Variants in PUM3 observed in about 807,000 individuals in gnomAD.
The protein encoded by PUM3 is pumilio RNA binding family member 3.
In PUM3, 91 loss-of-function variants were observed where a neutral mutation model predicts 84.0. That is an observed-to-expected ratio of 1.08 (90% CI 0.91 to 1.29). The LOEUF is 1.29. Among genes scored for constraint, PUM3 ranks in the 50% most tolerant of loss-of-function variants. The probability of loss-of-function intolerance (pLI) is 0.00; values close to 1 mark genes in which losing one functional copy is unlikely to be tolerated. For missense variants in PUM3, 1,067 were observed against 767.5 expected (o/e 1.39, Z -4.61); for synonymous variants, 321 against 266.7 (o/e 1.20, Z -1.98).
At chr9:2,827,348 G>A (rs1227163922) in intron 9 of PUM3, among the ~76,000 whole-genome samples, 197 bp from the exon 10 acceptor site, 1 of 152,146 alleles carries the variant, frequency 6.6e-6, no homozygotes, top group Admixed American at 6.5e-5. Context: ...TTGATTTAGT[G>A]CCATCTACAA....
rs892329542 is a variant in PUM3 at position 2,807,246 on chromosome 9, T to C, written c.1814+568A>G. 4.0e-5 allele frequency among the ~76,000 whole-genome samples: 6 copies of C among 150,848 alleles called. No homozygotes were observed. In the East Asian group the frequency reaches 9.9e-4, roughly 25 times the overall value. ...TATGTTTTGGTCAAAACCATAAATG[T>C]GGTGAAGCCACCTGATACCTTGTGA... On this transcript the variant is annotated intron_variant, in intron 17 of 17. Transcript: ENST00000397885.
At chr9:2,809,576 G>T (rs1048828118) in intron 16 of PUM3, among the ~76,000 whole-genome samples, 4 of 152,056 alleles carry the variant, frequency 2.6e-5, no homozygotes, top group Non-Finnish European at 5.9e-5. Flanking sequence ...GCCACTTGCC[G>T]CAAGACATGA....
chr9:2,805,262 G>C (rs994697955), intron 17 of PUM3, among the ~76,000 whole-genome samples: 1 of 152,102 alleles, frequency 6.6e-6, no homozygotes, highest in East Asian at 1.9e-4. Context: ...CGGCCTCTGC[G>C]TTCTGAAACC....
At chr9:2,842,830 T>C (rs1816300587) in intron 1 of PUM3, among the ~76,000 whole-genome samples, 1 of 152,164 alleles carries the variant, frequency 6.6e-6, no homozygotes, top group Non-Finnish European at 1.5e-5. Flanking sequence ...GTTATTGTTG[T>C]TTGCCCCACA....
At chr9:2,834,663 G>T (rs998836510) in intron 3 of PUM3, among the ~76,000 whole-genome samples, 10 of 152,084 alleles carry the variant, frequency 6.6e-5, no homozygotes, top group Non-Finnish European at 1.0e-4. Context: ...TCTCTTCCAT[G>T]GTGGGGAAAA....
intron 17 of PUM3, 58 bp downstream of exon 17, chr9:2,807,756 G>T: frequency 3.8e-6 from 4 of 1,056,950 alleles, no homozygotes; most frequent in Non-Finnish European, 4.4e-6. Context: ...CAACGTGAAG[G>T]AAGTGTGTCT....
rs1413648870 is a variant in PUM3, at chr9:2,807,810, A to G, written c.1814+4T>C. Reference sequence around the variant, plus strand: ...GCTCAGAGAAGGGCACATGTTATACATACCTAGAAAGAATAATGGCACCTC... The same window carrying G: ...GCTCAGAGAAGGGCACATGTTATACGTACCTAGAAAGAATAATGGCACCTC... On this transcript the variant is annotated splice_donor_region_variant and intron_variant, in intron 17 of 17. Coordinates refer to ENST00000397885, the MANE Select transcript of PUM3 (RefSeq NM_014878.5). 1 of 1,592,632 alleles carries G rather than the reference A, an allele frequency of 6.3e-7. No individual in the cohort carries two copies. The highest frequency in any genetic ancestry group is 1.1e-5 in the South Asian group (1 of 90,540).
In PUM3 at chr9:2,834,144, T is replaced by C; in HGVS notation, c.327A>G (p.Lys109=). ...RSDESAAKKP[K]WDDFKKKKKE... is the part of the protein sequence containing the mutation. ...TCTTCTTCTTTTTGAAGTCATCCCA[T>C]TTGGGCTTCTTGGCTGCTGATTCTA... is the stretch of plus-strand genomic sequence containing the variant. The change falls in exon 4 of 18, where the codon AAA becomes AAG. Residue 109 remains lysine, a synonymous_variant. Transcript: ENST00000397885. 3 of 1,612,894 alleles carry C rather than the reference T, an allele frequency of 1.9e-6. No homozygotes were observed. The East Asian group carries it at 6.7e-5, about 36-fold the overall frequency.
rs201465000 is a variant in PUM3, at chr9:2,827,074, G to A, written c.1034C>T (p.Ser345Leu). 7.3e-5 allele frequency: 117 copies of A among 1,605,660 alleles called. 1 individual carries two copies. In the Admixed American group the frequency reaches 1.9e-3, roughly 25 times the overall value. ...FFTYAPPKLR[S>L]EMIEAIREAV... is the part of the protein sequence containing the mutation. Reference sequence around the variant, plus strand: ...TAAAAACAAAAACCAAGAACTTACTGATCTGAGTTTGGGGGGTGCATAGGT... The same window carrying A: ...TAAAAACAAAAACCAAGAACTTACTAATCTGAGTTTGGGGGGTGCATAGGT... The change falls in exon 10 of 18, where the codon TCA becomes TTA. Residue 345 changes from serine to leucine, a missense_variant and splice_region_variant. Physicochemically the swap from Ser to Leu is moderately radical, Grantham distance 145. Coordinates refer to ENST00000397885, the MANE Select transcript of PUM3 (RefSeq NM_014878.5).
chr9:2,821,159 G>T (rs1821580626), intron 12 of PUM3, among the ~76,000 whole-genome samples: 1 of 152,008 alleles, frequency 6.6e-6, no homozygotes, highest in African/African-American at 2.4e-5. Context: ...CTAAAAATGG[G>T]CAAAGCCAGG....
intron 9 of PUM3, among the ~76,000 whole-genome samples, chr9:2,827,950 T>A (rs1815868066): frequency 6.6e-6 from 1 of 152,118 alleles, no homozygotes; most frequent in Non-Finnish European, 1.5e-5. Flanking sequence ...GGCAGTCGGG[T>A]CCCAAAAGCT....
chr9:2,840,521 C>A (rs1816240511), intron 1 of PUM3, among the ~76,000 whole-genome samples: 2 of 152,322 alleles, frequency 1.3e-5, no homozygotes, highest in South Asian at 4.1e-4. Context: ...TTCTATTTCT[C>A]TTATTACTTT....
At chr9:2,815,208 C>G (rs1185613642) in intron 13 of PUM3, among the ~76,000 whole-genome samples, 1 of 152,148 alleles carries the variant, frequency 6.6e-6, no homozygotes, top group Non-Finnish European at 1.5e-5. Context: ...AAAAACATTT[C>G]TTCAAAATGT....
At chr9:2,819,981 G>T in intron 13 of PUM3, 37 bp downstream of exon 13, 2 of 1,362,188 alleles carry the variant, frequency 1.5e-6, no homozygotes, top group South Asian at 1.2e-5. Context: ...CTGGTTTATC[G>T]ATGTAACTTA....
intron 2 of PUM3, 89 bp downstream of exon 2, chr9:2,838,337 T>C (rs943263882): frequency 7.0e-6 from 6 of 862,264 alleles, no homozygotes; most frequent in Non-Finnish European, 9.9e-6. Flanking sequence ...ATCCTAATCC[T>C]AGCCAATGAA....
chr9:2,810,142 T>A (rs556755248), intron 16 of PUM3, among the ~76,000 whole-genome samples: 10 of 151,108 alleles, frequency 6.6e-5, no homozygotes, highest in Admixed American at 6.6e-4. Flanking sequence ...AAAAAGAAAA[T>A]TAAAAGAGTT....
At position 2,829,904 on chromosome 9, in the gene PUM3, T is replaced by C. The variant is rs1417446680; in HGVS notation, c.722A>G (p.His241Arg). Reference sequence around the variant, plus strand: ...CGCATGCCGCAGCATCTTCCTCACGTGGCCTTTAAAACTTCTGATTATCTC... The same window carrying C: ...CGCATGCCGCAGCATCTTCCTCACGCGGCCTTTAAAACTTCTGATTATCTC... ...IAEIIRSFKG[H>R]VRKMLRHAEA... Residue 241 changes from histidine (H) to arginine (R), a missense_variant, in exon 8 of 18, where the codon CAC (histidine) becomes CGC (arginine). Coordinates refer to ENST00000397885, the MANE Select transcript of PUM3 (RefSeq NM_014878.5). 1 of 1,613,838 alleles carries C rather than the reference T, an allele frequency of 6.2e-7. No individual in the cohort carries two copies. The highest frequency in any genetic ancestry group is 1.3e-5 in the African/African-American group (1 of 74,920).
intron 17 of PUM3, among the ~76,000 whole-genome samples, chr9:2,806,091 T>G (rs145147827): frequency 1.1e-4 from 17 of 152,356 alleles, no homozygotes; most frequent in African/African-American, 3.8e-4. Context: ...AAACCTATAG[T>G]ATCCTTCCTA....
intron 13 of PUM3, among the ~76,000 whole-genome samples, chr9:2,813,082 A>G (rs1246736542): frequency 2.0e-5 from 3 of 152,230 alleles, no homozygotes; most frequent in Non-Finnish European, 4.4e-5. Context: ...CAAAAACAGA[A>G]GAGGAGGGGA....
Sources: allele counts gnomAD v4.1 joint callset (sites outside exome capture counted in the v4.1 genomes callset), GRCh38; gene constraint gnomAD v4.1.1; transcripts MANE v1.5; gene names NCBI Gene and HGNC (gene_info 2026-07-23, HGNC 2026-07-21).